The following KRT1 variants were observed in gnomAD, a reference collection of about 807,000 sequenced individuals.
The protein encoded by KRT1 is keratin, type II cytoskeletal 1.
Under a neutral mutation model 51.6 loss-of-function variants are expected in KRT1, and 28 were observed. The observed-to-expected ratio is 0.54, with a 90% confidence interval of 0.40 to 0.74. The LOEUF (loss-of-function observed/expected upper bound fraction) is 0.74. KRT1 is among the 30% of genes least tolerant of loss of function. The pLI, the probability that KRT1 is intolerant of heterozygous loss-of-function variation, is 0.00. For synonymous variants in KRT1, 301 were observed against 307.7 expected (o/e 0.98, Z 0.23); for missense variants, 783 against 815.5 (o/e 0.96, Z 0.49).
intron 1 of KRT1, among the ~76,000 whole-genome samples, chr12:52,679,494 G>A (rs545202433): frequency 3.8e-4 from 58 of 152,182 alleles, no homozygotes; most frequent in Non-Finnish European, 8.2e-4. Context: ...TCCCAATTCC[G>A]CTCAAGAGCT....
chr12:52,678,806 G>T, intron 1 of KRT1, 50 bp from the exon 2 acceptor site: 1 of 1,519,538 alleles, frequency 6.6e-7, no homozygotes, highest in Non-Finnish European at 9.1e-7. Flanking sequence ...GAGTCTCATA[G>T]CCATGGAGAA....
chr12:52,675,263 C>A lies in KRT1; in HGVS notation c.1865G>T (p.Gly622Val), dbSNP rs774807927. 1.9e-6 allele frequency: 3 copies of A among 1,613,708 alleles called. No homozygotes were observed. Among genetic ancestry groups the A allele is most frequent in the South Asian group, 1.1e-5 (1 of 91,058 alleles). ...SIGGRGSSSG[G>V]VKSSGGSSSV... ...GGAACTGCCACCAGAGGACTTGACACCCCCAGAGCTGGATCCCCGGCCTCC... is the reference window on the plus strand; with the variant it reads ...GGAACTGCCACCAGAGGACTTGACAACCCCAGAGCTGGATCCCCGGCCTCC... The change falls in exon 9 of 9, where the codon GGT becomes GTT. Residue 622 changes from glycine (G) to valine (V), a missense_variant. Coordinates refer to ENST00000252244, the MANE Select transcript of KRT1 (RefSeq NM_006121.4).
Position 52,678,532 on chromosome 12 carries a change from G to A in KRT1, c.806+10C>T. 1.2e-6 allele frequency: 2 copies of A among 1,613,498 alleles called. No homozygotes were observed. Among genetic ancestry groups the A allele is most frequent in the East Asian group, 2.2e-5 (1 of 44,884 alleles). ...CAAAAGTTAAGAACTGCCCAGACAG[G>A]GTCCCTTACTTGTTCCGGTAATCCT... On this transcript the variant is annotated intron_variant, in intron 2 of 8. Coordinates refer to ENST00000252244, the MANE Select transcript of KRT1 (RefSeq NM_006121.4).
At position 52,676,415 on chromosome 12, in the gene KRT1, A is replaced by G; in HGVS notation, c.1335T>C (p.Asn445=). ...NALKDAKNKL[N]DLEDALQQAK... The stretch of plus-strand genomic sequence containing the variant: ...CCTGCTGCAGGGCATCCTCCAGGTC[A>G]TTCAGCTTGTTCTTGGCATCCTTGA... Residue 445 remains asparagine (N), a synonymous_variant, in exon 7 of 9, where the codon AAT becomes AAC. Transcript: ENST00000252244. 1 of 1,614,168 alleles carries G rather than the reference A, an allele frequency of 6.2e-7. No homozygotes were observed. The highest frequency in any genetic ancestry group is 8.5e-7 in the Non-Finnish European group (1 of 1,180,032).
intron 6 of KRT1, 59 bp from the exon 7 acceptor site, chr12:52,676,554 C>T: frequency 6.4e-7 from 1 of 1,557,192 alleles, no homozygotes; most frequent in African/African-American, 1.3e-5. Flanking sequence ...CTCCTCATCC[C>T]AATTGGTCTC....
At chr12:52,677,846 C>T in intron 3 of KRT1, 101 bp from the exon 4 acceptor site, 1 of 989,114 alleles carries the variant, frequency 1.0e-6, no homozygotes, top group Non-Finnish European at 1.6e-6. Flanking sequence ...AGCTTTGGGT[C>T]TACTCCACTC....
At position 52,678,563 on chromosome 12, in the gene KRT1, A is replaced by C. The variant is rs1408296336; in HGVS notation, c.785T>G (p.Met262Arg). ...TTACTTGTTCCGGTAATCCTCCACC[A>C]TGTCCTGCATGTTCTTCAGTTCCGA... ...LDSELKNMQD[M>R]VEDYRNKYED... Residue 262 changes from methionine (M) to arginine (R), a missense_variant, in exon 2 of 9, where the codon ATG (methionine) becomes AGG (arginine). Transcript: ENST00000252244. The C allele has an allele frequency of 5.0e-6, 8 of 1,614,082 alleles. No homozygotes were observed. The highest frequency in any genetic ancestry group is 6.8e-6 in the Non-Finnish European group (8 of 1,180,038).
At position 52,680,123 on chromosome 12, in the gene KRT1, T is replaced by C; in HGVS notation, c.226A>G (p.Ile76Val). The C allele has an allele frequency of 1.3e-6, 2 of 1,571,482 alleles. No homozygotes were observed. Among genetic ancestry groups the C allele is most frequent in the Non-Finnish European group, 1.7e-6 (2 of 1,158,318 alleles). ...CCTCCTCTAGCCACACTTATGGAGA[T>C]GCTTTTACTGCCACCAAGGTTAACA... ...SLVNLGGSKS[I>V]SISVARGGGR... is the part of the protein sequence containing the mutation. The change falls in exon 1 of 9, where the codon ATC (isoleucine) becomes GTC (valine). Residue 76 changes from isoleucine (I) to valine (V), a missense_variant. Coordinates refer to ENST00000252244, the MANE Select transcript of KRT1 (RefSeq NM_006121.4).
At position 52,679,964 on chromosome 12, in the gene KRT1, A is replaced by AACC. The variant is rs747414857; in HGVS notation, c.382_384dup (p.Gly128dup). On this transcript the variant is annotated inframe_insertion, in exon 1 of 9. Transcript: ENST00000252244. Reference sequence around the variant, plus strand: ...CCACCCCCAAAGCCACCTCCACCAAAACCACCACCACCACTGCCAAAACCA... The same window carrying AACC: ...CCACCCCCAAAGCCACCTCCACCAAAACCACCACCACCACCACTGCCAAAACCA... 1.2e-6 allele frequency: 2 copies of AACC among 1,610,756 alleles called. No individual in the cohort carries two copies. Among genetic ancestry groups the AACC allele is most frequent in the Non-Finnish European group, 1.7e-6 (2 of 1,178,520 alleles).
rs536813177 is a variant in KRT1, at chr12:52,675,290, A to T, written c.1838T>A (p.Ile613Lys). ...GSGGGSSGGS[I>K]GGRGSSSGGV... ...CCCAGAGCTGGATCCCCGGCCTCCTATGGAGCCTCCAGAGCTCCCGCCGCC... is the reference window on the plus strand; with the variant it reads ...CCCAGAGCTGGATCCCCGGCCTCCTTTGGAGCCTCCAGAGCTCCCGCCGCC... The change falls in exon 9 of 9, where the codon ATA (isoleucine) becomes AAA (lysine). Residue 613 changes from isoleucine (I) to lysine (K), a missense_variant. Physicochemically the swap from Ile to Lys is moderately radical, Grantham distance 102. Coordinates refer to ENST00000252244, the MANE Select transcript of KRT1 (RefSeq NM_006121.4). The T allele has an allele frequency of 6.2e-7, 1 of 1,613,276 alleles. No homozygotes were observed. Among genetic ancestry groups the T allele is most frequent in the East Asian group, 2.2e-5 (1 of 44,866 alleles).
At position 52,678,556 on chromosome 12, in the gene KRT1, C is replaced by T. The variant is rs1941542630; in HGVS notation, c.792G>A (p.Glu264=). Reference sequence around the variant, plus strand: ...GGGTCCCTTACTTGTTCCGGTAATCCTCCACCATGTCCTGCATGTTCTTCA... The same window carrying T: ...GGGTCCCTTACTTGTTCCGGTAATCTTCCACCATGTCCTGCATGTTCTTCA... ...SELKNMQDMV[E]DYRNKYEDEI... is the part of the protein sequence containing the mutation. Residue 264 remains glutamate (E), a synonymous_variant, in exon 2 of 9, where the codon GAG becomes GAA. Transcript: ENST00000252244. 4 of 1,614,078 alleles carry T rather than the reference C, an allele frequency of 2.5e-6. No individual in the cohort carries two copies. The highest frequency in any genetic ancestry group is 1.7e-5 in the Admixed American group (1 of 60,012).
rs532702734 is a variant in KRT1, at chr12:52,676,130, T to C, written c.1475+145A>G. On this transcript the variant is annotated intron_variant, in intron 7 of 8. Coordinates refer to ENST00000252244, the MANE Select transcript of KRT1 (RefSeq NM_006121.4). ...GGGACTCCAGCTCCCAAAGTAAAACTAGGTCCTTCCTCCTGCTCCGTGTAC... is the reference window on the plus strand; with the variant it reads ...GGGACTCCAGCTCCCAAAGTAAAACCAGGTCCTTCCTCCTGCTCCGTGTAC... The C allele has an allele frequency of 2.1e-4, 159 of 769,064 alleles. 2 individuals are homozygous for C. The South Asian group carries it at 2.3e-3, about 11-fold the overall frequency. 47.6% of individuals were successfully genotyped at this position (769,064 alleles called of 1,614,324 possible).
Position 52,675,174 on chromosome 12 carries a change from T to C in KRT1, c.*19A>G. Reference sequence around the variant, plus strand: ...GATGCTGGGGGAGAACTAGAGCTAATGAAACAGAGGGCATCTCTTTATCTG... The same window carrying C: ...GATGCTGGGGGAGAACTAGAGCTAACGAAACAGAGGGCATCTCTTTATCTG... On this transcript the variant is annotated 3_prime_UTR_variant, in exon 9 of 9. Coordinates refer to ENST00000252244, the MANE Select transcript of KRT1 (RefSeq NM_006121.4). The C allele has an allele frequency of 6.2e-7, 1 of 1,612,948 alleles. No individual in the cohort carries two copies. The highest frequency in any genetic ancestry group is 8.5e-7 in the Non-Finnish European group (1 of 1,179,940).
Position 52,676,440 on chromosome 12 carries a change from A to G in KRT1, c.1310T>C (p.Leu437Pro), listed in dbSNP as rs267607428. 3 of 1,614,164 alleles carry G rather than the reference A, an allele frequency of 1.9e-6. No homozygotes were observed. Among genetic ancestry groups the G allele is most frequent in the Non-Finnish European group, 2.5e-6 (3 of 1,180,038 alleles). Residue 437 changes from leucine to proline, a missense_variant, in exon 7 of 9, where the codon CTC (leucine) becomes CCC (proline). By Grantham distance (98) the Leu-to-Pro change is moderately conservative. Coordinates refer to ENST00000252244, the MANE Select transcript of KRT1 (RefSeq NM_006121.4). ...SDAEQRGENA[L>P]KDAKNKLNDL... The stretch of plus-strand genomic sequence containing the variant: ...ATTCAGCTTGTTCTTGGCATCCTTG[A>G]GGGCATTCTCGCCACGCTGCTCTGC...
Position 52,674,807 on chromosome 12 carries a change from C to A in KRT1, c.*386G>T, listed in dbSNP as rs1016367778. ...TTAAGACCTCTCCACAAAAGAAAAA[C>A]AACTTGCTTACACCTTATGTACAAA... On this transcript the variant is annotated 3_prime_UTR_variant, in exon 9 of 9. Transcript: ENST00000252244. 1 of 305,636 alleles carries A rather than the reference C, an allele frequency of 3.3e-6. No individual in the cohort carries two copies. Among genetic ancestry groups the A allele is most frequent in the Non-Finnish European group, 6.1e-6 (1 of 163,536 alleles). 18.9% of individuals were successfully genotyped at this position (305,636 alleles called of 1,614,324 possible). A position where few individuals can be genotyped will look rare whatever the true frequency, so the allele number is the denominator to read the frequency against.
Position 52,675,678 on chromosome 12 carries a change from C to T in KRT1, c.1510+32G>A, listed in dbSNP as rs375264286. 5 of 1,614,130 alleles carry T rather than the reference C, an allele frequency of 3.1e-6. 1 individual carries two copies. In the South Asian group the frequency reaches 3.3e-5, roughly 11 times the overall value. Reference sequence around the variant, plus strand: ...TCCGTTTCCAGCCCAACAAAGCCTGCACATGCCCCTGAGAAATCGACTTGT... The same window carrying T: ...TCCGTTTCCAGCCCAACAAAGCCTGTACATGCCCCTGAGAAATCGACTTGT... On this transcript the variant is annotated intron_variant, in intron 8 of 8. Transcript: ENST00000252244.
chr12:52,677,277 C>T (rs1384522070), intron 5 of KRT1, 39 bp downstream of exon 5: 1 of 1,614,072 alleles, frequency 6.2e-7, no homozygotes, highest in African/African-American at 1.3e-5. Flanking sequence ...GCAAGACAAG[C>T]CATTTCAGGG....
At chr12:52,677,855 T>C in intron 3 of KRT1, 110 bp from the exon 4 acceptor site, 1 of 929,744 alleles carries the variant, frequency 1.1e-6, no homozygotes, top group South Asian at 1.4e-5. Context: ...TCTACTCCAC[T>C]CCTTTTTGCC....
rs1179142440 is a variant in KRT1, at chr12:52,678,723, G to T, written c.625C>A (p.Gln209Lys). The T allele has an allele frequency of 3.7e-6, 6 of 1,614,180 alleles. No individual in the cohort carries two copies. Among genetic ancestry groups the T allele is most frequent in the Admixed American group, 1.7e-5 (1 of 60,028 alleles). Residue 209 changes from glutamine to lysine, a missense_variant, in exon 2 of 9, where the codon CAA becomes AAA. Transcript: ENST00000252244. ...TGCTGCAGCAGCTCCCATTTTGTTT[G>T]CAGTACCTGGTTCTGCTGCTCCAGG... The part of the protein sequence containing the change: ...RFLEQQNQVL[Q>K]TKWELLQQVD...
Sources: allele counts gnomAD v4.1 joint callset (sites outside exome capture counted in the v4.1 genomes callset), GRCh38; gene constraint gnomAD v4.1.1; transcripts MANE v1.5; gene names NCBI Gene and HGNC (gene_info 2026-07-23, HGNC 2026-07-21).